Variants in STARD3NL observed in about 807,000 individuals in gnomAD.
The protein encoded by STARD3NL is STARD3 N-terminal like, also known as STARD3 N-terminal-like protein.
A neutral mutation model predicts 30.9 loss-of-function variants in STARD3NL; 17 were observed. The ratio of observed to expected loss-of-function variants is 0.55; its 90% CI spans 0.38 to 0.82. STARD3NL has a LOEUF of 0.82. STARD3NL is among the 40% of genes least tolerant of loss of function. STARD3NL has a pLI of 0.00. For synonymous variants in STARD3NL, 112 were observed against 100.5 expected, an observed-to-expected ratio of 1.11 and a Z score of -0.69; for missense variants, 234 against 277.6, an observed-to-expected ratio of 0.84 and a Z score of 1.12.
chr7:38,197,747 T>A (rs1238483869), intron 1 of STARD3NL, among the ~76,000 whole-genome samples: 1 of 152,220 alleles, frequency 6.6e-6, no homozygotes, highest in Non-Finnish European at 1.5e-5. Context: ...GTACTCTGGA[T>A]TAGCTTCCTT....
intron 7 of STARD3NL, among the ~76,000 whole-genome samples, chr7:38,220,811 A>C (rs1393990075): frequency 6.6e-6 from 1 of 152,234 alleles, no homozygotes; most frequent in Non-Finnish European, 1.5e-5. Flanking sequence ...CTCCATTAAA[A>C]AGGAATGGAA....
chr7:38,222,908 GA>G lies in STARD3NL; in HGVS notation c.649+3256del, dbSNP rs530350587. ...ACTGTTACTGGAATTAATATGCCTA[GA>G]AAAAAAAGACTACTCTAGAGCAAAG... On this transcript the variant is annotated intron_variant, in intron 7 of 8. Transcript: ENST00000009041. Among the ~76,000 whole-genome samples the G allele has an allele frequency of 5.3e-3, 800 of 151,708 alleles. 11 individuals carry two copies. Among genetic ancestry groups the G allele is most frequent in the Non-Finnish European group, 5.2e-3 (350 of 67,878 alleles).
chr7:38,220,061 A>G (rs1197318335), intron 7 of STARD3NL, among the ~76,000 whole-genome samples: 1 of 152,136 alleles, frequency 6.6e-6, no homozygotes, highest in African/African-American at 2.4e-5. Context: ...CCCCGTTCTT[A>G]TGGCTCACAT....
intron 1 of STARD3NL, among the ~76,000 whole-genome samples, chr7:38,205,222 A>G (rs1210120174): frequency 6.6e-6 from 1 of 152,238 alleles, no homozygotes; most frequent in Non-Finnish European, 1.5e-5. Flanking sequence ...GTGAACATCA[A>G]TGCAAAAATC....
intron 7 of STARD3NL, among the ~76,000 whole-genome samples, chr7:38,222,297 T>C (rs1192775363): frequency 1.3e-5 from 2 of 152,204 alleles, no homozygotes; most frequent in Non-Finnish European, 2.9e-5. Flanking sequence ...TCTGGACTAT[T>C]GGTGTTGGAT....
intron 1 of STARD3NL, among the ~76,000 whole-genome samples, chr7:38,198,707 GTCTC>G (rs1157542664): frequency 1.3e-5 from 2 of 152,220 alleles, no homozygotes; most frequent in Non-Finnish European, 2.9e-5. Flanking sequence ...GAGGTGCACA[GTCTC>G]TCTCTTCTCC....
chr7:38,207,273 A>G (rs931502878), intron 1 of STARD3NL, among the ~76,000 whole-genome samples, 174 bp from the exon 2 acceptor site: 2 of 152,208 alleles, frequency 1.3e-5, no homozygotes, highest in Admixed American at 6.5e-5. Context: ...GTATTGCTCT[A>G]AAACATTATG....
intron 2 of STARD3NL, among the ~76,000 whole-genome samples, chr7:38,209,823 CTT>C (rs1785697612): frequency 6.6e-6 from 1 of 152,136 alleles, no homozygotes; most frequent in African/African-American, 2.4e-5. Context: ...GCCCCCTGTT[CTT>C]GTTCACAGAC....
At chr7:38,202,730 C>A (rs55864286) in intron 1 of STARD3NL, among the ~76,000 whole-genome samples, 1 of 114,510 alleles carries the variant, frequency 8.7e-6, no homozygotes, top group South Asian at 3.6e-4. Context: ...CCCCTCCCCC[C>A]ACCCCACAAC....
At chr7:38,189,606 A>G (rs918425749) in intron 1 of STARD3NL, among the ~76,000 whole-genome samples, 1 of 152,140 alleles carries the variant, frequency 6.6e-6, no homozygotes, top group Non-Finnish European at 1.5e-5. Context: ...GGATGATGTG[A>G]CTCCACTATT....
chr7:38,205,616 T>C (rs1246248193), intron 1 of STARD3NL, among the ~76,000 whole-genome samples: 1 of 142,650 alleles, frequency 7.0e-6, no homozygotes, highest in Non-Finnish European at 1.5e-5. Flanking sequence ...TCTTTTAATA[T>C]GGATTTTTAT....
intron 1 of STARD3NL, among the ~76,000 whole-genome samples, chr7:38,187,539 A>G (rs904585747): frequency 5.9e-5 from 9 of 152,152 alleles, no homozygotes; most frequent in Non-Finnish European, 1.3e-4. Flanking sequence ...TCGGTGCTCA[A>G]TGCTTATGGT....
At chr7:38,185,910 C>G (rs893729936) in intron 1 of STARD3NL, among the ~76,000 whole-genome samples, 1 of 152,160 alleles carries the variant, frequency 6.6e-6, no homozygotes, top group African/African-American at 2.4e-5. Context: ...ACTGTGGATA[C>G]TATTGATTTT....
intron 1 of STARD3NL, among the ~76,000 whole-genome samples, chr7:38,206,650 C>T (rs1246017675): frequency 6.6e-6 from 1 of 152,160 alleles, no homozygotes; most frequent in Admixed American, 6.5e-5. Context: ...ACTTCTTTTC[C>T]AAGAAGAGGC....
chr7:38,207,375 A>G (rs901545443), intron 1 of STARD3NL, 72 bp from the exon 2 acceptor site: 5 of 674,456 alleles, frequency 7.4e-6, no homozygotes, highest in African/African-American at 5.4e-5. Context: ...ATAGTTGCAC[A>G]GTGGAGAGGG....
intron 1 of STARD3NL, among the ~76,000 whole-genome samples, chr7:38,195,542 C>A (rs529573618): frequency 6.6e-6 from 1 of 152,308 alleles, no homozygotes; most frequent in African/African-American, 2.4e-5. Flanking sequence ...CAAATACTTG[C>A]AAGTCAGAAT....
chr7:38,185,580 A>G (rs1784424569), intron 1 of STARD3NL, among the ~76,000 whole-genome samples: 1 of 152,142 alleles, frequency 6.6e-6, no homozygotes, highest in Admixed American at 6.5e-5. Context: ...AGAGCCACCA[A>G]AGGGACAGTG....
intron 2 of STARD3NL, among the ~76,000 whole-genome samples, chr7:38,208,148 C>CTCTGTCATAAAGAGAACAAAAA (rs1785597478): frequency 1.3e-5 from 2 of 152,130 alleles, no homozygotes; most frequent in African/African-American, 4.8e-5. Context: ...CCCACAAAGG[C>CTCTGTCATAAAGAGAACAAAAA]AAAAATATTT....
intron 7 of STARD3NL, among the ~76,000 whole-genome samples, chr7:38,226,888 C>A (rs1786802371): frequency 6.6e-6 from 1 of 152,190 alleles, no homozygotes; most frequent in African/African-American, 2.4e-5. Context: ...AACCTCCATG[C>A]CCATTGAGCT....
Sources: allele counts gnomAD v4.1 joint callset (sites outside exome capture counted in the v4.1 genomes callset), GRCh38; gene constraint gnomAD v4.1.1; transcripts MANE v1.5; gene names NCBI Gene and HGNC (gene_info 2026-07-23, HGNC 2026-07-21).